Variants in PSMA6 observed in about 807,000 individuals in gnomAD.
PSMA6 encodes the protein proteasome 20S subunit alpha 6, also known as proteasome subunit alpha type-6.
For synonymous variants in PSMA6, 88 were observed against 97.7 expected (o/e 0.90, Z 0.59); for missense variants, 170 against 294.8 (o/e 0.58, Z 3.10).
At chr14:35,290,956 C>G (rs1428442275), upstream of PSMA6, among the ~76,000 whole-genome samples, 1 of 151,918 alleles carries the variant, frequency 6.6e-6, no homozygotes, top group Non-Finnish European at 1.5e-5. Flanking sequence ...GGTGCTTAAC[C>G]TCATTCCCCA....
chr14:35,307,925 G>T (rs1566560498), intron 1 of PSMA6, 69 bp from the exon 2 acceptor site: 2 of 1,420,446 alleles, frequency 1.4e-6, no homozygotes, highest in Admixed American at 1.8e-5. Flanking sequence ...TCTTTTTAAT[G>T]ACTATTATTT....
intron 1 of PSMA6, among the ~76,000 whole-genome samples, chr14:35,279,821 T>C (rs2051345469): frequency 2.0e-5 from 3 of 152,238 alleles, no homozygotes; most frequent in Admixed American, 2.0e-4. Context: ...ACTTTATACA[T>C]GTTATAAGAA....
rs1594395085 is a variant in PSMA6, at chr14:35,313,287, A to G, written c.588+228A>G. 7.2e-6 allele frequency: 3 copies of G among 418,366 alleles called. No individual in the cohort carries two copies. The East Asian group carries it at 1.4e-4, about 19-fold the overall frequency. 25.9% of individuals were successfully genotyped at this position (418,366 alleles called of 1,614,324 possible). A position where few individuals can be genotyped will look rare whatever the true frequency, so the allele number is the denominator to read the frequency against. ...AGGTGGCTTTCAACAAAACGCATAT[A>G]ATAGGAAAATATAAATAAAAATAGG... On this transcript the variant is annotated intron_variant, in intron 5 of 6. Transcript: ENST00000261479.
At chr14:35,292,705 G>A in intron 1 of PSMA6, 153 bp downstream of exon 1, 1 of 1,368,040 alleles carries the variant, frequency 7.3e-7, no homozygotes, top group Non-Finnish European at 9.8e-7. Context: ...GCTCTGTGGT[G>A]TTTGCACCCC....
At chr14:35,307,740 GA>G (rs1482249837) in intron 1 of PSMA6, among the ~76,000 whole-genome samples, 5 of 151,848 alleles carry the variant, frequency 3.3e-5, no homozygotes, top group Non-Finnish European at 5.9e-5. Flanking sequence ...TTTAAAAAAA[GA>G]AAAAAACTTT....
At chr14:35,279,298 C>T (rs1448732349) in intron 1 of PSMA6, among the ~76,000 whole-genome samples, 3 of 152,140 alleles carry the variant, frequency 2.0e-5, no homozygotes, top group Non-Finnish European at 2.9e-5. Context: ...CCGCCCACCT[C>T]GACCTCCCAA....
chr14:35,287,833 C>T (rs540650517), upstream of PSMA6, among the ~76,000 whole-genome samples: 5 of 152,286 alleles, frequency 3.3e-5, no homozygotes, highest in South Asian at 8.3e-4. Context: ...CTGAAAGCTC[C>T]CTGACCCAGG....
chr14:35,306,873 A>G (rs527692690), intron 1 of PSMA6, among the ~76,000 whole-genome samples: 1 of 151,732 alleles, frequency 6.6e-6, no homozygotes, highest in East Asian at 2.0e-4. Context: ...TTGGCCTGGC[A>G]TGGTGGCTCA....
intron 1 of PSMA6, among the ~76,000 whole-genome samples, chr14:35,295,128 A>G (rs955666808): frequency 2.0e-5 from 3 of 152,114 alleles, no homozygotes; most frequent in Non-Finnish European, 4.4e-5. Flanking sequence ...ACCTGAGGTC[A>G]GGAGTTGAAG....
At chr14:35,313,139 A>C in intron 5 of PSMA6, 80 bp downstream of exon 5, 1 of 1,259,726 alleles carries the variant, frequency 7.9e-7, no homozygotes, top group Non-Finnish European at 1.1e-6. Flanking sequence ...ATACAAAGCT[A>C]TTCCTGAATT....
chr14:35,305,900 T>C (rs531733148), intron 1 of PSMA6, among the ~76,000 whole-genome samples: 1 of 152,028 alleles, frequency 6.6e-6, no homozygotes, highest in African/African-American at 2.4e-5. Context: ...CTGGGCGACA[T>C]AGCAAGACCC....
At chr14:35,288,065 C>T (rs998456686), upstream of PSMA6, among the ~76,000 whole-genome samples, 1 of 152,176 alleles carries the variant, frequency 6.6e-6, no homozygotes, top group African/African-American at 2.4e-5. Context: ...CTCTCATTTA[C>T]TGACAAATCT....
intron 4 of PSMA6, 193 bp from the exon 5 acceptor site, chr14:35,312,688 A>T (rs1203607201): frequency 4.2e-6 from 2 of 475,354 alleles, no homozygotes; most frequent in Non-Finnish European, 7.4e-6. Flanking sequence ...CCTTTTGTGA[A>T]ATGGGAATTT....
upstream of PSMA6, among the ~76,000 whole-genome samples, chr14:35,289,892 G>A (rs2051458656): frequency 6.9e-6 from 1 of 144,066 alleles, no homozygotes; most frequent in Non-Finnish European, 1.5e-5. Context: ...CTCCAGTCTG[G>A]GTGACAGAGC....
intron 1 of PSMA6, among the ~76,000 whole-genome samples, chr14:35,283,281 C>A (rs1230877188): frequency 6.6e-6 from 1 of 150,768 alleles, no homozygotes; most frequent in African/African-American, 2.4e-5. Context: ...AATCCTAACA[C>A]TTCGGGAGGC....
intron 4 of PSMA6, among the ~76,000 whole-genome samples, chr14:35,312,335 G>A (rs531455139): frequency 4.9e-4 from 74 of 151,976 alleles, no homozygotes; most frequent in Non-Finnish European, 9.1e-4. Flanking sequence ...GCGAAACCCG[G>A]TCTCTACTAA....
intron 1 of PSMA6, among the ~76,000 whole-genome samples, chr14:35,299,125 CAAG>C (rs1386874125): frequency 2.0e-5 from 3 of 152,020 alleles, no homozygotes; most frequent in Non-Finnish European, 4.4e-5. Context: ...CTCTTGCACT[CAAG>C]AAATTCTCCT....
chr14:35,291,463 G>T (rs1328154109), upstream of PSMA6, among the ~76,000 whole-genome samples: 1 of 151,922 alleles, frequency 6.6e-6, no homozygotes, highest in African/African-American at 2.4e-5. Context: ...CTCGTGATCC[G>T]CCCGCCTTGG....
intron 2 of PSMA6, 112 bp downstream of exon 2, chr14:35,308,200 T>A (rs1294597023): frequency 1.4e-6 from 2 of 1,387,214 alleles, no homozygotes; most frequent in African/African-American, 2.9e-5. Context: ...GGTGGGCAGA[T>A]CACCTTAGAT....
Sources: allele counts gnomAD v4.1 joint callset (sites outside exome capture counted in the v4.1 genomes callset), GRCh38; gene constraint gnomAD v4.1.1; transcripts MANE v1.5; gene names NCBI Gene and HGNC (gene_info 2026-07-23, HGNC 2026-07-21).